STAC: variants seen among roughly 807,000 people sequenced by gnomAD.
The protein encoded by STAC is SH3 and cysteine rich domain, also known as SH3 and cysteine-rich domain-containing protein.
Under a neutral mutation model 48.8 loss-of-function variants are expected in STAC, and 43 were observed. That is an observed-to-expected ratio of 0.88 (90% confidence interval 0.69 to 1.14). The LOEUF (loss-of-function observed/expected upper bound fraction) is 1.14, where lower values mean the gene tolerates loss of function less well. Among genes scored for constraint, STAC ranks in the 50% most tolerant of loss-of-function variants. The pLI, the probability that STAC is intolerant of heterozygous loss-of-function variation, is 0.00. For missense variants in STAC, 497 were observed against 504.0 expected, an observed-to-expected ratio of 0.99 and a Z score of 0.13; for synonymous variants, 193 against 179.5, an observed-to-expected ratio of 1.07 and a Z score of -0.60.
In STAC at chr3:36,443,443, C is replaced by T; in HGVS notation, c.191C>T (p.Thr64Ile). The change falls in exon 2 of 11, where the codon ACC becomes ATC. Residue 64 changes from threonine (T) to isoleucine (I), a missense_variant. By Grantham distance (89) the Thr-to-Ile change is moderately conservative. Transcript: ENST00000273183. This position sits in a 1 kb window ranked among gnomAD's most constrained non-coding sequence, Gnocchi z 4.2. ...SKSADNFFQRTNSEDMKLQAH... is the reference protein window; with the variant it reads ...SKSADNFFQRINSEDMKLQAH... ...AGTGCTGACAACTTCTTCCAGCGAA[C>T]CAACAGCGAAGACATGAAACTGCAA... is the stretch of plus-strand genomic sequence containing the variant. The T allele has an allele frequency of 1.9e-6, 3 of 1,614,218 alleles. No individual in the cohort carries two copies. The highest frequency in any genetic ancestry group is 8.5e-7 in the Non-Finnish European group (1 of 1,180,044).
At chr3:36,462,399 G>A (rs1697043794) in intron 2 of STAC, among the ~76,000 whole-genome samples, 1 of 152,110 alleles carries the variant, frequency 6.6e-6, no homozygotes, top group East Asian at 1.9e-4. Context: ...TCTGGAGTTT[G>A]AGAGTCTTGT....
intron 6 of STAC, among the ~76,000 whole-genome samples, chr3:36,500,448 G>A (rs999964744): frequency 2.6e-5 from 4 of 152,220 alleles, no homozygotes; most frequent in East Asian, 1.9e-4. Flanking sequence ...CCCGTCAGGC[G>A]AAGGAGGTAG....
At position 36,512,743 on chromosome 3, in the gene STAC, A is replaced by C. The variant is rs114670697; in HGVS notation, c.920+6909A>C. ...CCATTCCCAGGAGTGAAATGTCTGCATTGCATAGACTGCAAGATTGGAGTG... is the reference window on the plus strand; with the variant it reads ...CCATTCCCAGGAGTGAAATGTCTGCCTTGCATAGACTGCAAGATTGGAGTG... On this transcript the variant is annotated intron_variant, in intron 8 of 10. Transcript: ENST00000273183. 6.3e-3 allele frequency among the ~76,000 whole-genome samples: 960 copies of C among 152,292 alleles called. 10 individuals carry two copies. Among genetic ancestry groups the C allele is most frequent in the African/African-American group, 0.022 (921 of 41,556 alleles).
At chr3:36,504,885 TA>T (rs1461861983) in intron 7 of STAC, among the ~76,000 whole-genome samples, 2 of 152,038 alleles carry the variant, frequency 1.3e-5, no homozygotes, top group Non-Finnish European at 2.9e-5. Context: ...ATGTTTTCTA[TA>T]AATTTATAGC....
In STAC at chr3:36,547,575, T is replaced by C. The variant is rs1430250847; in HGVS notation, c.*1286T>C. 6.6e-6 allele frequency: 1 copy of C among 152,646 alleles called. No individual in the cohort carries two copies. Among genetic ancestry groups the C allele is most frequent in the Non-Finnish European group, 1.5e-5 (1 of 68,046 alleles). 9.5% of individuals were successfully genotyped at this position (152,646 alleles called of 1,614,324 possible). A position where few individuals can be genotyped will look rare whatever the true frequency, so the allele number is the denominator to read the frequency against. ...GGTTAAACTTCAATTCACAATCACC[T>C]TGGAATCAATGTCAGTTTGATTTAT... On this transcript the variant is annotated 3_prime_UTR_variant, in exon 11 of 11. Coordinates refer to ENST00000273183, the MANE Select transcript of STAC (RefSeq NM_003149.3).
intron 1 of STAC, among the ~76,000 whole-genome samples, chr3:36,393,871 G>A (rs1487345893): frequency 1.3e-5 from 2 of 151,760 alleles, no homozygotes; most frequent in Admixed American, 1.3e-4. Flanking sequence ...AACTCTCTAA[G>A]ACAGTGACCA....
intron 1 of STAC, among the ~76,000 whole-genome samples, chr3:36,392,211 T>A (rs1212542504): frequency 6.6e-6 from 1 of 152,220 alleles, no homozygotes; most frequent in Non-Finnish European, 1.5e-5. Flanking sequence ...ATCCAGCCCA[T>A]CGTCCAACCT....
intron 3 of STAC, among the ~76,000 whole-genome samples, chr3:36,483,531 G>A (rs1229465290): frequency 6.6e-6 from 1 of 152,170 alleles, no homozygotes; most frequent in East Asian, 1.9e-4. Flanking sequence ...CAAAAGAGGA[G>A]AGAGTAATAA....
At chr3:36,413,975 T>C (rs1302616519) in intron 1 of STAC, among the ~76,000 whole-genome samples, 1 of 152,122 alleles carries the variant, frequency 6.6e-6, no homozygotes, top group East Asian at 1.9e-4. Flanking sequence ...TTGAAAATTC[T>C]TTTCTTTAAG....
chr3:36,499,216 A>G (rs943147206), intron 6 of STAC, among the ~76,000 whole-genome samples: 1 of 152,222 alleles, frequency 6.6e-6, no homozygotes, highest in African/African-American at 2.4e-5. Flanking sequence ...AAGAAGAAAT[A>G]AAGAGCAAAG....
intron 2 of STAC, among the ~76,000 whole-genome samples, chr3:36,472,128 G>A (rs2125692280): frequency 6.6e-6 from 1 of 152,368 alleles, no homozygotes; most frequent in African/African-American, 2.4e-5. Context: ...CTCAGTTCTT[G>A]ACTTCTGTGC....
chr3:36,391,302 A>G (rs553577567), intron 1 of STAC, among the ~76,000 whole-genome samples: 3 of 152,232 alleles, frequency 2.0e-5, no homozygotes, highest in Admixed American at 6.5e-5. Context: ...TCTTTCAAAT[A>G]TTGTTCTTCC....
At chr3:36,483,562 G>T (rs994881425) in intron 3 of STAC, among the ~76,000 whole-genome samples, 1 of 152,258 alleles carries the variant, frequency 6.6e-6, no homozygotes, top group Middle Eastern at 3.4e-3. Flanking sequence ...CACTTTAACA[G>T]AATCTCCCAA....
chr3:36,453,895 G>T (rs914123865), intron 2 of STAC, among the ~76,000 whole-genome samples: 17 of 152,244 alleles, frequency 1.1e-4, no homozygotes, highest in Admixed American at 6.5e-5. Flanking sequence ...CTCAGGGTTT[G>T]TGAATGCACC....
At chr3:36,459,658 G>C (rs1696950955) in intron 2 of STAC, among the ~76,000 whole-genome samples, 1 of 152,186 alleles carries the variant, frequency 6.6e-6, no homozygotes, top group South Asian at 2.1e-4. Context: ...GTCAGAAACA[G>C]TATTTTAAAA....
rs554083484 is a variant in STAC, at chr3:36,399,156, G to A, written c.111+18402G>A. Among the ~76,000 whole-genome samples, 73 of 152,140 alleles carry A rather than the reference G, an allele frequency of 4.8e-4. 1 individual carries two copies. Among genetic ancestry groups the A allele is most frequent in the Non-Finnish European group, 9.6e-4 (65 of 68,032 alleles). ...GGAGGGGAGTACAATCTCCCAAAGG[G>A]GACAGTTCCCATTAGTTGAGGGTGA... On this transcript the variant is annotated intron_variant, in intron 1 of 10. Coordinates refer to ENST00000273183, the MANE Select transcript of STAC (RefSeq NM_003149.3).
chr3:36,454,419 T>G (rs554099857), intron 2 of STAC, among the ~76,000 whole-genome samples: 1 of 151,366 alleles, frequency 6.6e-6, no homozygotes, highest in Admixed American at 6.6e-5. Context: ...AGGAAGAAAC[T>G]CCGAACACAT....
At chr3:36,482,715 A>G (rs993798550) in intron 2 of STAC, among the ~76,000 whole-genome samples, 3 of 152,338 alleles carry the variant, frequency 2.0e-5, no homozygotes, top group Admixed American at 6.5e-5. Flanking sequence ...AATGGAATTC[A>G]CTAGCTTGAA....
chr3:36,442,940 G>C (rs1269799990), intron 1 of STAC, among the ~76,000 whole-genome samples: 1 of 152,192 alleles, frequency 6.6e-6, no homozygotes, highest in Non-Finnish European at 1.5e-5. Context: ...ACAAGTGGCT[G>C]TTAAGTGATC....
Sources: allele counts gnomAD v4.1 joint callset (sites outside exome capture counted in the v4.1 genomes callset), GRCh38; gene constraint gnomAD v4.1.1; non-coding constraint Gnocchi (gnomAD v3.1); transcripts MANE v1.5; gene names NCBI Gene and HGNC (gene_info 2026-07-23, HGNC 2026-07-21).